The following ABCA12 variants were observed in gnomAD, a reference collection of about 807,000 sequenced individuals.
ABCA12 encodes glucosylceramide transporter ABCA12.
ABCA12 carries 156 observed loss-of-function variants against 293.5 expected under a neutral mutation model. That is an observed-to-expected ratio of 0.53 (90% CI 0.47 to 0.61). ABCA12 has a LOEUF of 0.61. Ranked by LOEUF, ABCA12 falls within the 20% of genes least tolerant of loss-of-function variation. The probability of loss-of-function intolerance (pLI) is 0.00; values close to 1 mark genes in which losing one functional copy is unlikely to be tolerated. For synonymous variants in ABCA12, 1,063 were observed against 1,108.0 expected (o/e 0.96, Z 0.81); for missense variants, 2,797 against 3,090.2 (o/e 0.91, Z 2.25).
At chr2:215,101,276 T>G (rs1022397684) in intron 2 of ABCA12, among the ~76,000 whole-genome samples, 7 of 152,184 alleles carry the variant, frequency 4.6e-5, no homozygotes, top group Non-Finnish European at 5.9e-5. Flanking sequence ...ATTTTTAAGT[T>G]GAAAAGAAAG....
At position 214,932,691 on chromosome 2, in the gene ABCA12, G is replaced by A. The variant is rs534593648; in HGVS notation, c.7731C>T (p.Thr2577=). 23 of 1,613,606 alleles carry A rather than the reference G, an allele frequency of 1.4e-5. No homozygotes were observed. In the African/African-American group the frequency reaches 3.1e-4, roughly 22 times the overall value. ...CACTTATAGTGGAACCTTGGCTGCT[G>A]GTATCAGCAGTTTCATAGGACTTCT... The part of the protein sequence containing the change: ...KDQKSYETAD[T]SSQGSTISVD... Residue 2577 remains threonine (T), a synonymous_variant, in exon 53 of 53, where the codon ACC becomes ACT. Transcript: ENST00000272895.
chr2:214,997,845 C>A (rs748416190), intron 22 of ABCA12, 36 bp from the exon 23 acceptor site: 4 of 1,194,312 alleles, frequency 3.3e-6, no homozygotes, highest in Non-Finnish European at 5.0e-6. Flanking sequence ...ATTCAGCGAC[C>A]AAAATGAACA....
In ABCA12 at chr2:215,031,899, GAAGT is replaced by G; in HGVS notation, c.986-7_986-4del. 1 of 1,613,546 alleles carries G rather than the reference GAAGT, an allele frequency of 6.2e-7. No individual in the cohort carries two copies. The highest frequency in any genetic ancestry group is 8.5e-7 in the Non-Finnish European group (1 of 1,179,800). On this transcript the variant is annotated splice_region_variant and splice_polypyrimidine_tract_variant and intron_variant, in intron 8 of 52. Coordinates refer to ENST00000272895, the MANE Select transcript of ABCA12 (RefSeq NM_173076.3). ...ATGCGTTATATTATCGGAGTCACCT[GAAGT>G]AATAATTTTTATATAGGTAAACATT...
At chr2:215,096,708 G>A (rs559432298) in intron 2 of ABCA12, among the ~76,000 whole-genome samples, 2 of 152,002 alleles carry the variant, frequency 1.3e-5, no homozygotes, top group Non-Finnish European at 2.9e-5. Flanking sequence ...CAATAACTGT[G>A]TAATTCTTTT....
At chr2:215,119,453 C>T (rs1702755205) in intron 1 of ABCA12, among the ~76,000 whole-genome samples, 1 of 152,128 alleles carries the variant, frequency 6.6e-6, no homozygotes, top group Non-Finnish European at 1.5e-5. Context: ...ACAGTTAAGT[C>T]TCTAATCCAT....
At chr2:214,977,861 C>T (rs192666839) in intron 33 of ABCA12, among the ~76,000 whole-genome samples, 33 of 150,630 alleles carry the variant, frequency 2.2e-4, no homozygotes, top group African/African-American at 6.3e-4. Flanking sequence ...CCATAAAGAG[C>T]GGCAGCTCCT....
chr2:215,007,587 T>C, intron 19 of ABCA12, 140 bp downstream of exon 19: 2 of 1,114,826 alleles, frequency 1.8e-6, no homozygotes, highest in South Asian at 1.3e-5. Flanking sequence ...TTACCCTGTC[T>C]CAGACCTTCT....
intron 11 of ABCA12, chr2:215,023,381 G>A (rs1186482728): frequency 6.6e-6 from 1 of 152,180 alleles, no homozygotes; most frequent in East Asian, 1.9e-4. Flanking sequence ...TATAAATGAT[G>A]ATAGATTTTC....
chr2:215,075,481 C>T, intron 2 of ABCA12: 2 of 666,238 alleles, frequency 3.0e-6, no homozygotes, highest in Non-Finnish European at 5.4e-6. Flanking sequence ...CAAAAAGCAT[C>T]CTCTTAATCC....
intron 51 of ABCA12, among the ~76,000 whole-genome samples, chr2:214,936,690 T>C (rs1043299205): frequency 1.1e-4 from 16 of 152,334 alleles, no homozygotes; most frequent in African/African-American, 3.4e-4. Context: ...ATATTTCATC[T>C]AGTCTAGAAC....
chr2:214,947,011 C>T (rs994869034), intron 48 of ABCA12, among the ~76,000 whole-genome samples: 1 of 152,022 alleles, frequency 6.6e-6, no homozygotes, highest in East Asian at 1.9e-4. Context: ...TGTCTGTCCT[C>T]CATAGTAGAA....
chr2:215,013,843 G>A (rs1355307473), intron 15 of ABCA12, among the ~76,000 whole-genome samples: 1 of 152,176 alleles, frequency 6.6e-6, no homozygotes, highest in African/African-American at 2.4e-5. Flanking sequence ...TGAACAAAGA[G>A]GCCCTTGTGG....
At chr2:214,942,012 G>A (rs1698422432) in intron 50 of ABCA12, among the ~76,000 whole-genome samples, 1 of 152,096 alleles carries the variant, frequency 6.6e-6, no homozygotes, top group Non-Finnish European at 1.5e-5. Flanking sequence ...ACGCTAGCTG[G>A]TTATTTTGTG....
At chr2:214,981,224 T>G (rs1002692287) in intron 30 of ABCA12, among the ~76,000 whole-genome samples, 1 of 152,236 alleles carries the variant, frequency 6.6e-6, no homozygotes, top group African/African-American at 2.4e-5. Flanking sequence ...TGTTCACCAT[T>G]TGTCATGTGG....
intron 2 of ABCA12, among the ~76,000 whole-genome samples, chr2:215,089,894 C>T (rs1275297765): frequency 6.6e-6 from 1 of 152,196 alleles, no homozygotes; most frequent in Non-Finnish European, 1.5e-5. Flanking sequence ...TAGTTCAGTT[C>T]TACCCCTGTG....
intron 9 of ABCA12, 39 bp downstream of exon 9, chr2:215,031,782 C>A: frequency 6.2e-7 from 1 of 1,612,542 alleles, no homozygotes; most frequent in Non-Finnish European, 8.5e-7. Flanking sequence ...GTTTATTCAG[C>A]CAAGTTATCT....
chr2:214,989,187 C>CATATGTATATATATATATATATAT (rs1699855100), intron 26 of ABCA12, 142 bp downstream of exon 26: 1 of 28,016 alleles, frequency 3.6e-5, no homozygotes, highest in African/African-American at 6.3e-5. Context: ...TCAATACATA[C>CATATGTATATATATATATATATAT]ATATATATAT....
chr2:215,003,782 C>A (rs1385994520), intron 20 of ABCA12, among the ~76,000 whole-genome samples: 1 of 151,964 alleles, frequency 6.6e-6, no homozygotes, highest in Non-Finnish European at 1.5e-5. Flanking sequence ...ATTCTCCTGC[C>A]TCAGCCTCCC....
At position 215,021,508 on chromosome 2, in the gene ABCA12, G is replaced by GA. The variant is rs766654353; in HGVS notation, c.1288-1713dup. Among the ~76,000 whole-genome samples, 4 of 152,144 alleles carry GA rather than the reference G, an allele frequency of 2.6e-5. No homozygotes were observed. The East Asian group carries it at 7.7e-4, about 29-fold the overall frequency. ...TATATTCCATGCCCTACATCCTGGG[G>GA]AAAAAATAATATGTGCCCCTGGGAA... On this transcript the variant is annotated intron_variant, in intron 11 of 52. Coordinates refer to ENST00000272895, the MANE Select transcript of ABCA12 (RefSeq NM_173076.3).
Sources: gnomAD v4.1 joint callset for allele counts (sites outside exome capture counted in the v4.1 genomes callset) on GRCh38, gnomAD v4.1.1 for gene constraint, MANE v1.5 for transcripts, NCBI Gene and HGNC (gene_info 2026-07-23, HGNC 2026-07-21) for gene names.